Variants in SLC8A1 observed in about 807,000 individuals in gnomAD.
SLC8A1 encodes the protein solute carrier family 8 member A1.
In SLC8A1, 18 loss-of-function variants were observed where a neutral mutation model predicts 68.3. That is an observed-to-expected ratio of 0.26 (90% CI 0.18 to 0.39). The LOEUF (loss-of-function observed/expected upper bound fraction) is 0.39. SLC8A1 is among the 10% of genes least tolerant of loss of function. The probability of loss-of-function intolerance (pLI) is 1.00; values close to 1 mark genes in which losing one functional copy is unlikely to be tolerated. For synonymous variants in SLC8A1, 475 were observed against 415.5 expected, an observed-to-expected ratio of 1.14 and a Z score of -1.74; for missense variants, 985 against 1,156.7, an observed-to-expected ratio of 0.85 and a Z score of 2.15.
chr2:40,310,835 G>A (rs778640709), intron 2 of SLC8A1, among the ~76,000 whole-genome samples: 2 of 152,062 alleles, frequency 1.3e-5, no homozygotes, highest in Admixed American at 6.6e-5. Flanking sequence ...GTGCCAAAAT[G>A]CAGTTTAGCA....
chr2:40,387,936 C>CAAAAAAAAAAAAAAAAAA (rs57394425), intron 2 of SLC8A1, among the ~76,000 whole-genome samples: 6 of 90,942 alleles, frequency 6.6e-5, no homozygotes, highest in Admixed American at 1.2e-4. Flanking sequence ...GAGACTGCCT[C>CAAAAAAAAAAAAAAAAAA]AAAAAAAAAA....
At chr2:40,350,913 T>C (rs1268347007) in intron 2 of SLC8A1, among the ~76,000 whole-genome samples, 1 of 152,100 alleles carries the variant, frequency 6.6e-6, no homozygotes, top group South Asian at 2.1e-4. Context: ...AATTGGGGCT[T>C]TAAGAGGTTA....
At chr2:40,099,472 A>T (rs923583355) in exon 8 of SLC8A1, 2 of 152,100 alleles carry the variant, frequency 1.3e-5, no homozygotes, top group East Asian at 1.9e-4. Context: ...TTTAGGATCA[A>T]CTACGGGAAT....
chr2:40,209,290 T>G (rs1245877072), intron 2 of SLC8A1: 1 of 152,236 alleles, frequency 6.6e-6, no homozygotes, highest in East Asian at 1.9e-4. Context: ...TCTGGATTAT[T>G]TGAAGGGGAG....
At chr2:40,141,343 T>G (rs1488266817) in intron 6 of SLC8A1, among the ~76,000 whole-genome samples, 1 of 152,232 alleles carries the variant, frequency 6.6e-6, no homozygotes, top group African/African-American at 2.4e-5. Flanking sequence ...GAGGAATGTC[T>G]GGATTTGTCC....
intron 2 of SLC8A1, among the ~76,000 whole-genome samples, chr2:40,179,354 C>A (rs921301374): frequency 3.3e-5 from 5 of 152,202 alleles, no homozygotes; most frequent in African/African-American, 7.2e-5. Context: ...TGTAATCCAA[C>A]CTTTAACAGT....
intron 2 of SLC8A1, among the ~76,000 whole-genome samples, chr2:40,342,857 G>C (rs572362841): frequency 3.7e-4 from 57 of 152,180 alleles, no homozygotes; most frequent in Non-Finnish European, 6.2e-4. Flanking sequence ...CTAAAATAGA[G>C]TATTCGGGGT....
At chr2:40,254,478 G>C (rs1395452786) in intron 2 of SLC8A1, 1 of 114,182 alleles carries the variant, frequency 8.8e-6, no homozygotes, top group Non-Finnish European at 2.0e-5. Context: ...ATGCAGTAAA[G>C]AATTACTCTC....
At position 40,469,070 on chromosome 2, in the gene SLC8A1, T is replaced by C. The variant is rs1481272305; in HGVS notation, c.-24-38766A>G. 3.3e-5 allele frequency among the ~76,000 whole-genome samples: 5 copies of C among 152,280 alleles called. No homozygotes were observed. In the South Asian group the frequency reaches 8.3e-4, roughly 25 times the overall value. On this transcript the variant is annotated intron_variant, in intron 1 of 7. Coordinates refer to the SLC8A1 transcript ENST00000402441. ...ACTTGAAAAGTTAATAATAATTCCA[T>C]AATCTCATCAAAGATCCCTGATGGT...
intron 2 of SLC8A1, among the ~76,000 whole-genome samples, chr2:40,205,548 C>T (rs924442870): frequency 5.3e-5 from 8 of 151,942 alleles, no homozygotes; most frequent in Non-Finnish European, 8.8e-5. Context: ...AACAAAGGAA[C>T]AGAAAACCAA....
intron 2 of SLC8A1, chr2:40,251,794 C>T (rs557913695): frequency 7.2e-5 from 11 of 152,112 alleles, no homozygotes; most frequent in South Asian, 2.1e-4. Flanking sequence ...ATATGACTTT[C>T]GTCTCTCTAT....
chr2:40,311,102 G>C (rs899352441), intron 2 of SLC8A1, among the ~76,000 whole-genome samples: 1 of 152,044 alleles, frequency 6.6e-6, no homozygotes, highest in Non-Finnish European at 1.5e-5. Flanking sequence ...TACATTAATA[G>C]ATTAGTATCA....
rs191527562 is a variant in SLC8A1, at chr2:40,252,685, T to C, written c.1809-74830A>G. 2.8e-4 allele frequency among the ~76,000 whole-genome samples: 43 copies of C among 152,200 alleles called. No homozygotes were observed. The East Asian group carries it at 6.6e-3, about 23-fold the overall frequency. On this transcript the variant is annotated intron_variant, in intron 2 of 7. Coordinates refer to ENST00000406785, the Ensembl canonical transcript of SLC8A1. ...ATGTTTCTCTCCAGACCTGTCATCATAAAAGTTGCTTGCTTAGAAGGGGGA... is the reference window on the plus strand; with the variant it reads ...ATGTTTCTCTCCAGACCTGTCATCACAAAAGTTGCTTGCTTAGAAGGGGGA...
rs143886719 is a variant in SLC8A1, at chr2:40,352,453, G to C, written c.1808+76020C>G. Among the ~76,000 whole-genome samples, 1,246 of 152,236 alleles carry C rather than the reference G, an allele frequency of 8.2e-3. 8 individuals carry two copies. The highest frequency in any genetic ancestry group is 0.028 in the African/African-American group (1,177 of 41,556). On this transcript the variant is annotated intron_variant, in intron 2 of 7. Transcript: ENST00000406785. ...TGTTCTATTCATTGTCCAAAGGCTT[G>C]TTGAGTTCTCTTTCTATAATCCTCA...
intron 4 of SLC8A1, 65 bp from the exon 7 acceptor site, chr2:40,170,414 T>C: frequency 1.4e-6 from 2 of 1,398,498 alleles, no homozygotes; most frequent in Non-Finnish European, 2.0e-6. Flanking sequence ...CAGAGCTTTG[T>C]GGAATTAGTA....
chr2:40,505,415 T>G (rs899365608), intron 1 of SLC8A1, among the ~76,000 whole-genome samples: 5 of 151,924 alleles, frequency 3.3e-5, no homozygotes, highest in Non-Finnish European at 5.9e-5. Flanking sequence ...ATGTGCTTAT[T>G]TCACATTGCA....
chr2:40,147,222 C>G (rs1217431998), intron 6 of SLC8A1, among the ~76,000 whole-genome samples: 1 of 139,442 alleles, frequency 7.2e-6, no homozygotes, highest in Non-Finnish European at 1.6e-5. Flanking sequence ...GCTTTAGTGT[C>G]TCTTGTTCCT....
At chr2:40,430,085 G>T (rs1690502060) in exon 2 of SLC8A1, 1 of 1,613,876 alleles carries the variant, frequency 6.2e-7, no homozygotes, top group Non-Finnish European at 8.5e-7. Context: ...GGGTCTTGGG[G>T]TTCCCAAATG....
At chr2:40,390,797 C>CA (rs1376288457) in intron 2 of SLC8A1, among the ~76,000 whole-genome samples, 1 of 152,054 alleles carries the variant, frequency 6.6e-6, no homozygotes, top group African/African-American at 2.4e-5. Context: ...CACTTTTGTC[C>CA]AATCACTCCA....
Sources: gnomAD v4.1 joint callset for allele counts (sites outside exome capture counted in the v4.1 genomes callset) on GRCh38, gnomAD v4.1.1 for gene constraint, MANE v1.5 for transcripts, NCBI Gene and HGNC (gene_info 2026-07-23, HGNC 2026-07-21) for gene names.